The following RASSF8 variants were observed in gnomAD, a reference collection of about 807,000 sequenced individuals.
The protein encoded by RASSF8 is ras association domain-containing protein 8.
RASSF8 carries 22 observed loss-of-function variants against 48.5 expected under a neutral mutation model. The ratio of observed to expected loss-of-function variants is 0.45; its 90% CI spans 0.32 to 0.65. The LOEUF is 0.65. RASSF8 is among the 30% of genes least tolerant of loss of function. The pLI, the probability that RASSF8 is intolerant of heterozygous loss-of-function variation, is 0.03. For synonymous variants in RASSF8, 127 were observed against 171.5 expected, an observed-to-expected ratio of 0.74 and a Z score of 2.03; for missense variants, 418 against 489.2, an observed-to-expected ratio of 0.85 and a Z score of 1.37.
intron 1 of RASSF8, among the ~76,000 whole-genome samples, chr12:25,989,699 A>G (rs1236207741): frequency 6.6e-6 from 1 of 152,230 alleles, no homozygotes; most frequent in East Asian, 1.9e-4. Flanking sequence ...TTCTTGCATA[A>G]CATTTAATAA....
chr12:25,960,584 TG>T (rs2136808063), intron 1 of RASSF8, among the ~76,000 whole-genome samples: 1 of 152,356 alleles, frequency 6.6e-6, no homozygotes, highest in African/African-American at 2.4e-5. Flanking sequence ...CATAGTTTGA[TG>T]ATTATTCTAT....
rs566053477 is a variant in RASSF8 at position 26,025,449 on chromosome 12, C to T, written c.-108-29787C>T. ...GCGGGCGCCTGTATTCCCAGGTACT[C>T]GGGACGGCAGGCTGAGGCAGGAGAA... On this transcript the variant is annotated intron_variant, in intron 2 of 5. Transcript: ENST00000689635. Among the ~76,000 whole-genome samples, 29 of 151,468 alleles carry T rather than the reference C, an allele frequency of 1.9e-4. No individual in the cohort carries two copies. In the South Asian group the frequency reaches 3.3e-3, roughly 17 times the overall value.
intron 1 of RASSF8, among the ~76,000 whole-genome samples, chr12:25,988,645 T>C (rs1219953654): frequency 6.6e-6 from 1 of 152,200 alleles, no homozygotes; most frequent in Non-Finnish European, 1.5e-5. Flanking sequence ...GAGATTTGTA[T>C]CAGCCACCTG....
Position 26,024,097 on chromosome 12 carries a change from G to A in RASSF8, c.-109+28967G>A, listed in dbSNP as rs191382668. Among the ~76,000 whole-genome samples, 7 of 152,240 alleles carry A rather than the reference G, an allele frequency of 4.6e-5. No individual in the cohort carries two copies. In the East Asian group the frequency reaches 1.3e-3, roughly 29 times the overall value. On this transcript the variant is annotated intron_variant, in intron 2 of 5. Coordinates refer to ENST00000689635, the MANE Select transcript of RASSF8 (RefSeq NM_001394098.1). ...ACATAGATATTGTCTTACATAGTAT[G>A]TATCACAATAAAGACACAAAAACTG...
chr12:26,062,646 T>A (rs1300116210), intron 3 of RASSF8, among the ~76,000 whole-genome samples: 1 of 152,182 alleles, frequency 6.6e-6, no homozygotes, highest in Non-Finnish European at 1.5e-5. Flanking sequence ...CTAGTTTACA[T>A]AGTTGGAAGT....
chr12:26,012,787 C>A (rs138814510), intron 2 of RASSF8, among the ~76,000 whole-genome samples: 1 of 151,148 alleles, frequency 6.6e-6, no homozygotes, highest in Admixed American at 6.6e-5. Context: ...CTCCATCAGT[C>A]CTCCTGTCTC....
intron 1 of RASSF8, among the ~76,000 whole-genome samples, chr12:25,960,682 A>T (rs1941210516): frequency 6.6e-6 from 1 of 152,072 alleles, no homozygotes; most frequent in Non-Finnish European, 1.5e-5. Flanking sequence ...TTTTTCCTCA[A>T]GAGTCTCCAG....
At position 26,070,233 on chromosome 12, in the gene RASSF8, T is replaced by C; in HGVS notation, c.*1415T>C. On this transcript the variant is annotated 3_prime_UTR_variant, in exon 6 of 6. Coordinates refer to ENST00000689635, the MANE Select transcript of RASSF8 (RefSeq NM_001394098.1). Reference sequence around the variant, plus strand: ...AAAGTGGATTAATATAGTAATGCCATGGTAACAATAGAGCTATGTCTTATG... The same window carrying C: ...AAAGTGGATTAATATAGTAATGCCACGGTAACAATAGAGCTATGTCTTATG... 1 of 974,992 alleles carries C rather than the reference T, an allele frequency of 1.0e-6. No individual in the cohort carries two copies. The highest frequency in any genetic ancestry group is 1.2e-6 in the Non-Finnish European group (1 of 820,476). The allele number at this position is 974,992 out of a possible 1,614,324, so 60.4% of individuals were successfully genotyped here.
intron 2 of RASSF8, among the ~76,000 whole-genome samples, chr12:26,050,493 G>A (rs1943468873): frequency 6.6e-6 from 1 of 152,124 alleles, no homozygotes. Context: ...GGAAAAATAT[G>A]CGTCTTGACT....
rs180936200 is a variant in RASSF8, at chr12:25,967,230, A to T, written c.-203+8082A>T. The stretch of plus-strand genomic sequence containing the variant: ...GTTTAATCACATTTCTAGTTTCCTT[A>T]CAATAGCCTTTGTGGAAGGCTTTCC... On this transcript the variant is annotated intron_variant, in intron 1 of 5. Transcript: ENST00000689635. 1.8e-3 allele frequency among the ~76,000 whole-genome samples: 272 copies of T among 152,326 alleles called. 2 individuals carry two copies. The highest frequency in any genetic ancestry group is 3.4e-3 in the Middle Eastern group (1 of 294).
At chr12:25,983,092 A>C (rs1177965529) in intron 1 of RASSF8, among the ~76,000 whole-genome samples, 1 of 152,232 alleles carries the variant, frequency 6.6e-6, no homozygotes, top group Admixed American at 6.5e-5. Flanking sequence ...TAAACAAGGC[A>C]TCATCGATAG....
intron 2 of RASSF8, among the ~76,000 whole-genome samples, chr12:26,027,505 T>C (rs1271410749): frequency 1.3e-5 from 2 of 152,224 alleles, no homozygotes; most frequent in East Asian, 3.8e-4. Context: ...AATGGGTATT[T>C]ATCTGGTTAA....
chr12:25,986,931 T>TG (rs1941896755), intron 1 of RASSF8, among the ~76,000 whole-genome samples: 1 of 142,148 alleles, frequency 7.0e-6, no homozygotes, highest in African/African-American at 2.7e-5. Context: ...TTTTTTTTTG[T>TG]TTGTTTGTTT....
chr12:25,980,468 G>A (rs1941714887), intron 1 of RASSF8, among the ~76,000 whole-genome samples: 1 of 152,206 alleles, frequency 6.6e-6, no homozygotes, highest in African/African-American at 2.4e-5. Context: ...CCAAACACTG[G>A]AATTCCAGAG....
At position 25,976,464 on chromosome 12, in the gene RASSF8, A is replaced by G. The variant is rs570447987; in HGVS notation, c.-203+17316A>G. Reference sequence around the variant, plus strand: ...TCTGATTGGTTGCTTCTTCTTTTGCATGTGACATTTGTAACTTCACTTCAG... The same window carrying G: ...TCTGATTGGTTGCTTCTTCTTTTGCGTGTGACATTTGTAACTTCACTTCAG... On this transcript the variant is annotated intron_variant, in intron 1 of 5. Coordinates refer to ENST00000689635, the MANE Select transcript of RASSF8 (RefSeq NM_001394098.1). Among the ~76,000 whole-genome samples, 5 of 152,286 alleles carry G rather than the reference A, an allele frequency of 3.3e-5. No individual in the cohort carries two copies. In the South Asian group the frequency reaches 8.3e-4, roughly 25 times the overall value.
intron 2 of RASSF8, among the ~76,000 whole-genome samples, chr12:26,035,516 AATT>A (rs1338527864): frequency 2.1e-5 from 3 of 143,094 alleles, no homozygotes; most frequent in Non-Finnish European, 4.5e-5. Flanking sequence ...TATATAATAT[AATT>A]ATATGAAATT....
At chr12:25,977,700 C>A (rs975644645) in intron 1 of RASSF8, among the ~76,000 whole-genome samples, 3 of 151,586 alleles carry the variant, frequency 2.0e-5, no homozygotes, top group African/African-American at 7.3e-5. Flanking sequence ...TCTTGCTTTA[C>A]AAGTATACTT....
intron 1 of RASSF8, among the ~76,000 whole-genome samples, chr12:25,972,333 A>G (rs1941503196): frequency 6.6e-6 from 1 of 152,140 alleles, no homozygotes; most frequent in Non-Finnish European, 1.5e-5. Flanking sequence ...ACCATTGAGG[A>G]TACAGTAAGT....
chr12:25,975,079 G>C (rs1941573912), intron 1 of RASSF8, among the ~76,000 whole-genome samples: 2 of 152,202 alleles, frequency 1.3e-5, no homozygotes, highest in Admixed American at 6.5e-5. Flanking sequence ...CTTCTGGAAA[G>C]ATCTTCCTAA....
Sources: allele counts gnomAD v4.1 joint callset (sites outside exome capture counted in the v4.1 genomes callset), GRCh38; gene constraint gnomAD v4.1.1; transcripts MANE v1.5; gene names NCBI Gene and HGNC (gene_info 2026-07-23, HGNC 2026-07-21).